Variants in LTBP1 observed in about 807,000 individuals in gnomAD.
LTBP1 encodes the protein latent transforming growth factor beta binding protein 1.
In LTBP1, 129 loss-of-function variants were observed where a neutral mutation model predicts 207.6. That is an observed-to-expected ratio of 0.62 (90% CI 0.54 to 0.72). The LOEUF is 0.72. Ranked by LOEUF, LTBP1 falls within the 30% of genes least tolerant of loss-of-function variation. The pLI is 0.00. For missense variants in LTBP1, 2,281 were observed against 2,217.2 expected, an observed-to-expected ratio of 1.03 and a Z score of -0.58; for synonymous variants, 963 against 833.7, an observed-to-expected ratio of 1.16 and a Z score of -2.67.
chr2:33,369,857 C>T (rs1023691721), intron 31 of LTBP1, among the ~76,000 whole-genome samples: 1 of 152,200 alleles, frequency 6.6e-6, no homozygotes, highest in East Asian at 1.9e-4. Context: ...GATTAGTTGG[C>T]ATTCCCTTCA....
chr2:33,164,352 GAAAAAAAAAAAA>G (rs56916166), intron 5 of LTBP1, among the ~76,000 whole-genome samples: 72 of 28,246 alleles, frequency 2.5e-3, no homozygotes, highest in African/African-American at 7.5e-3. Flanking sequence ...TTCCTCTCAG[GAAAAAAAAAAAA>G]AAAAAAAAAA....
At chr2:33,012,382 AT>A (rs1043332483) in intron 2 of LTBP1, among the ~76,000 whole-genome samples, 13 of 152,176 alleles carry the variant, frequency 8.5e-5, no homozygotes, top group Admixed American at 5.9e-4. Context: ...GTGTAGTCAC[AT>A]TTTTTGATTT....
At chr2:33,193,104 A>G (rs1428692386) in intron 7 of LTBP1, among the ~76,000 whole-genome samples, 1 of 152,098 alleles carries the variant, frequency 6.6e-6, no homozygotes, top group African/African-American at 2.4e-5. Context: ...TATGTGTGGT[A>G]ATAGTATTGG....
chr2:32,954,783 T>A (rs1427517494), intron 2 of LTBP1, among the ~76,000 whole-genome samples: 3 of 152,180 alleles, frequency 2.0e-5, no homozygotes, highest in African/African-American at 7.2e-5. Context: ...CCCTAGCAGC[T>A]GACCCAAGGA....
intron 2 of LTBP1, among the ~76,000 whole-genome samples, chr2:33,017,686 G>T (rs219188): frequency 6.6e-6 from 1 of 152,078 alleles, no homozygotes; most frequent in African/African-American, 2.4e-5. Context: ...GCGCTATCTC[G>T]GCTCACTGCA....
At chr2:33,035,553 TA>T (rs1321179635) in intron 3 of LTBP1, among the ~76,000 whole-genome samples, 1 of 152,202 alleles carries the variant, frequency 6.6e-6, no homozygotes, top group Non-Finnish European at 1.5e-5. Context: ...ACTTTCTAGA[TA>T]AAAAATTCTT....
intron 5 of LTBP1, among the ~76,000 whole-genome samples, chr2:33,139,235 A>G (rs2082434152): frequency 6.6e-6 from 1 of 152,036 alleles, no homozygotes; most frequent in South Asian, 2.1e-4. Context: ...TAATTGGCAA[A>G]TATGAGCCCT....
intron 9 of LTBP1, among the ~76,000 whole-genome samples, chr2:33,230,935 G>A (rs2091750461): frequency 6.6e-6 from 1 of 152,068 alleles, no homozygotes; most frequent in African/African-American, 2.4e-5. Context: ...CGTGCTGAAT[G>A]TAATTAAAAG....
intron 31 of LTBP1, among the ~76,000 whole-genome samples, chr2:33,365,844 C>G (rs557351027): frequency 6.6e-6 from 1 of 152,254 alleles, no homozygotes; most frequent in East Asian, 1.9e-4. Context: ...CTTCTCATTC[C>G]TAACAGTTTC....
chr2:33,117,227 C>T (rs192443855), intron 4 of LTBP1, among the ~76,000 whole-genome samples: 160 of 152,260 alleles, frequency 1.1e-3, no homozygotes, highest in African/African-American at 3.4e-3. Flanking sequence ...AAGAGAAGTA[C>T]GGCTGCTTTG....
chr2:33,103,684 C>T (rs530272097), intron 3 of LTBP1, among the ~76,000 whole-genome samples: 1 of 151,626 alleles, frequency 6.6e-6, no homozygotes, highest in East Asian at 1.9e-4. Context: ...TTGCCATTCC[C>T]TATGTGCATA....
At chr2:33,140,463 T>C (rs2082551916) in intron 5 of LTBP1, among the ~76,000 whole-genome samples, 1 of 152,178 alleles carries the variant, frequency 6.6e-6, no homozygotes, top group East Asian at 1.9e-4. Context: ...TGTGCAGGTA[T>C]ATCTCAGGTT....
intron 2 of LTBP1, among the ~76,000 whole-genome samples, chr2:33,004,283 C>G (rs935957781): frequency 6.6e-6 from 1 of 151,946 alleles, no homozygotes; most frequent in African/African-American, 2.4e-5. Context: ...AAGGTCCTGC[C>G]CATCCTGACA....
chr2:33,039,655 T>A (rs1417057075), intron 3 of LTBP1, among the ~76,000 whole-genome samples: 1 of 152,224 alleles, frequency 6.6e-6, no homozygotes, highest in African/African-American at 2.4e-5. Context: ...TGAGAAATTA[T>A]ATGTTGTGTT....
At chr2:33,246,979 TATC>T (rs1322858512) in intron 10 of LTBP1, among the ~76,000 whole-genome samples, 1 of 152,188 alleles carries the variant, frequency 6.6e-6, no homozygotes, top group Non-Finnish European at 1.5e-5. Context: ...TCAAGAAAAG[TATC>T]ATCTTTGCAA....
At chr2:33,257,634 G>C in intron 12 of LTBP1, 123 bp downstream of exon 12, 2 of 776,420 alleles carry the variant, frequency 2.6e-6, no homozygotes, top group East Asian at 5.4e-5. Context: ...TTTTAGAGTG[G>C]AGAATTATTT....
At chr2:33,156,502 C>T (rs1300673254) in intron 5 of LTBP1, among the ~76,000 whole-genome samples, 2 of 152,132 alleles carry the variant, frequency 1.3e-5, no homozygotes, top group Admixed American at 6.5e-5. Context: ...TCCTCCTCAC[C>T]TGTAGAATGG....
chr2:33,033,329 G>T (rs2075772127), intron 3 of LTBP1, among the ~76,000 whole-genome samples: 1 of 152,022 alleles, frequency 6.6e-6, no homozygotes, highest in African/African-American at 2.4e-5. Flanking sequence ...TCAAAGCCCA[G>T]TTCTGGTGTT....
At chr2:33,155,838 T>G (rs1249111677) in intron 5 of LTBP1, among the ~76,000 whole-genome samples, 1 of 152,242 alleles carries the variant, frequency 6.6e-6, no homozygotes, top group Non-Finnish European at 1.5e-5. Flanking sequence ...GTTCATACAA[T>G]TGATAGAGAA....
Sources: allele counts gnomAD v4.1 joint callset (sites outside exome capture counted in the v4.1 genomes callset), GRCh38; gene constraint gnomAD v4.1.1; transcripts MANE v1.5; gene names NCBI Gene and HGNC (gene_info 2026-07-23, HGNC 2026-07-21).